Variants in CNTNAP2 observed in about 807,000 individuals in gnomAD.
The protein encoded by CNTNAP2 is contactin-associated protein-like 2.
Under a neutral mutation model 155.2 loss-of-function variants are expected in CNTNAP2, and 98 were observed. That is an observed-to-expected ratio of 0.63 (90% CI 0.54 to 0.75). The LOEUF is 0.75. CNTNAP2 is among the 30% of genes least tolerant of loss of function. The pLI is 0.00. For synonymous variants in CNTNAP2, 651 were observed against 631.2 expected (o/e 1.03, Z -0.47); for missense variants, 1,727 against 1,688.1 (o/e 1.02, Z -0.40).
chr7:147,308,011 A>G (rs1378552475), intron 9 of CNTNAP2, among the ~76,000 whole-genome samples: 1 of 152,196 alleles, frequency 6.6e-6, no homozygotes, highest in Non-Finnish European at 1.5e-5. Flanking sequence ...TATTTGGGGG[A>G]AAATTAATCA....
intron 3 of CNTNAP2, among the ~76,000 whole-genome samples, chr7:147,042,067 T>C (rs566586507): frequency 6.6e-6 from 1 of 152,326 alleles, no homozygotes; most frequent in African/African-American, 2.4e-5. Context: ...TTTTAGAAAT[T>C]GTTTTTCTGA....
chr7:148,408,257 C>G (rs1252361686), intron 22 of CNTNAP2, among the ~76,000 whole-genome samples: 1 of 151,356 alleles, frequency 6.6e-6, no homozygotes, highest in East Asian at 1.9e-4. Flanking sequence ...CCCACACTGC[C>G]CCCGCCCCAC....
At chr7:147,421,163 C>A (rs1393452993) in intron 10 of CNTNAP2, among the ~76,000 whole-genome samples, 2 of 152,074 alleles carry the variant, frequency 1.3e-5, no homozygotes, top group African/African-American at 4.8e-5. Flanking sequence ...TAGCAGCTAA[C>A]AAATGAGTAG....
At chr7:146,153,579 A>G (rs1798082227) in intron 1 of CNTNAP2, among the ~76,000 whole-genome samples, 1 of 152,202 alleles carries the variant, frequency 6.6e-6, no homozygotes, top group African/African-American at 2.4e-5. Context: ...AGTACAAGGA[A>G]GAAATCTCTA....
chr7:146,671,429 T>TCACACACACACACACA (rs147594471), intron 1 of CNTNAP2, among the ~76,000 whole-genome samples: 4,330 of 148,350 alleles, frequency 0.029, 96 homozygotes, highest in Non-Finnish European at 0.046. Context: ...TTTTTGTCAC[T>TCACACACACACACACA]CACACACACA....
At chr7:147,076,042 T>G (rs995726379) in intron 4 of CNTNAP2, among the ~76,000 whole-genome samples, 6 of 152,162 alleles carry the variant, frequency 3.9e-5, no homozygotes, top group Non-Finnish European at 7.3e-5. Flanking sequence ...TGATGGACAT[T>G]TGGGTTGGTT....
At chr7:146,373,719 C>T (rs1359024874) in intron 1 of CNTNAP2, among the ~76,000 whole-genome samples, 1 of 152,042 alleles carries the variant, frequency 6.6e-6, no homozygotes, top group Admixed American at 6.5e-5. Context: ...CCAAGACTGA[C>T]AGACATCAGT....
At chr7:147,497,095 TC>T (rs1428073065) in intron 11 of CNTNAP2, 12 of 152,226 alleles carry the variant, frequency 7.9e-5, no homozygotes, top group Admixed American at 1.3e-4. Flanking sequence ...TCATCTGACT[TC>T]TTTCAAATGT....
At chr7:148,154,782 C>T (rs1166633414) in intron 17 of CNTNAP2, among the ~76,000 whole-genome samples, 1 of 152,018 alleles carries the variant, frequency 6.6e-6, no homozygotes, top group South Asian at 2.1e-4. Context: ...ACTAAAGATA[C>T]AAAAATTACT....
intron 21 of CNTNAP2, among the ~76,000 whole-genome samples, chr7:148,374,369 C>G (rs1228448472): frequency 6.6e-6 from 1 of 152,146 alleles, no homozygotes; most frequent in Non-Finnish European, 1.5e-5. Context: ...CTTTTCCTAG[C>G]CTACACTTTG....
intron 1 of CNTNAP2, among the ~76,000 whole-genome samples, chr7:146,721,461 T>TTATATACATTCTATATATATTC (rs1563203616): frequency 3.1e-4 from 33 of 107,242 alleles, no homozygotes; most frequent in African/African-American, 1.5e-3. Context: ...TATATACATT[T>TTATATACATTCTATATATATTC]TATATACATT....
At chr7:147,739,644 C>T (rs1174735581) in intron 13 of CNTNAP2, among the ~76,000 whole-genome samples, 2 of 151,902 alleles carry the variant, frequency 1.3e-5, no homozygotes, top group African/African-American at 2.4e-5. Context: ...CCAATACAGT[C>T]AGAAGCCTTG....
intron 15 of CNTNAP2, among the ~76,000 whole-genome samples, chr7:148,106,669 T>TC (rs1423482963): frequency 6.6e-6 from 1 of 152,030 alleles, no homozygotes; most frequent in African/African-American, 2.4e-5. Context: ...CCTGATAGTC[T>TC]ACTCCTTAAC....
At chr7:147,188,559 A>G (rs779922392) in intron 8 of CNTNAP2, among the ~76,000 whole-genome samples, 2 of 152,226 alleles carry the variant, frequency 1.3e-5, no homozygotes, top group Non-Finnish European at 2.9e-5. Context: ...TGCAAAATAC[A>G]GGATGAAATA....
At chr7:147,500,134 C>T (rs1215498233) in intron 11 of CNTNAP2, among the ~76,000 whole-genome samples, 1 of 144,460 alleles carries the variant, frequency 6.9e-6, no homozygotes, top group East Asian at 2.1e-4. Context: ...TCATTAATGC[C>T]TCTTTGGAAA....
At chr7:147,576,615 G>C (rs954945251) in intron 12 of CNTNAP2, among the ~76,000 whole-genome samples, 1 of 152,074 alleles carries the variant, frequency 6.6e-6, no homozygotes, top group South Asian at 2.1e-4. Flanking sequence ...AAAAGGTAAA[G>C]AGTTCACTAG....
At chr7:146,480,065 G>A (rs950887242) in intron 1 of CNTNAP2, among the ~76,000 whole-genome samples, 1 of 152,170 alleles carries the variant, frequency 6.6e-6, no homozygotes, top group Non-Finnish European at 1.5e-5. Flanking sequence ...GATTACAGGC[G>A]TGAGCCACTG....
intron 1 of CNTNAP2, among the ~76,000 whole-genome samples, chr7:146,464,224 C>G (rs1416628545): frequency 1.0e-4 from 7 of 68,940 alleles, no homozygotes; most frequent in Non-Finnish European, 2.5e-4. Flanking sequence ...TTTCTTTTCT[C>G]TCCAAACAAC....
intron 1 of CNTNAP2, among the ~76,000 whole-genome samples, chr7:146,389,348 G>A (rs533080236): frequency 1.3e-3 from 203 of 152,038 alleles, no homozygotes; most frequent in African/African-American, 4.3e-3. Context: ...ATGTTCTTAA[G>A]TTCTGGAAAA....
Sources: gnomAD v4.1 joint callset for allele counts (sites outside exome capture counted in the v4.1 genomes callset) on GRCh38, gnomAD v4.1.1 for gene constraint, MANE v1.5 for transcripts, NCBI Gene and HGNC (gene_info 2026-07-23, HGNC 2026-07-21) for gene names.